FOXK1: variants seen among roughly 807,000 people sequenced by gnomAD.
FOXK1 encodes forkhead box K1.
FOXK1 carries 19 observed loss-of-function variants against 51.9 expected under a neutral mutation model. The observed-to-expected ratio is 0.37, with a 90% CI of 0.26 to 0.54. FOXK1 has a LOEUF of 0.54. FOXK1 is among the 20% of genes least tolerant of loss of function. FOXK1 has a pLI of 0.87. For synonymous variants in FOXK1, 537 were observed against 482.6 expected, an observed-to-expected ratio of 1.11 and a Z score of -1.48; for missense variants, 870 against 1,032.7, an observed-to-expected ratio of 0.84 and a Z score of 2.16.
At position 4,768,896 on chromosome 7, in the gene FOXK1, G is replaced by T. The variant is rs1432260638; in HGVS notation, c.*6432G>T. The T allele has an allele frequency of 6.6e-6, 1 of 152,278 alleles. No homozygotes were observed. The highest frequency in any genetic ancestry group is 1.5e-5 in the Non-Finnish European group (1 of 68,074). 9.4% of individuals were successfully genotyped at this position (152,278 alleles called of 1,614,324 possible). A position where few individuals can be genotyped will look rare whatever the true frequency, so the allele number is the denominator to read the frequency against. ...TTGGAGAATGAAACCCTGAGGGTCAGTGAGTGGAGGCCTTCCCTCGGGGCC... is the reference window on the plus strand; with the variant it reads ...TTGGAGAATGAAACCCTGAGGGTCATTGAGTGGAGGCCTTCCCTCGGGGCC... On this transcript the variant is annotated 3_prime_UTR_variant, in exon 9 of 9. Transcript: ENST00000328914.
At chr7:4,687,303 G>GT (rs1345445600) in intron 1 of FOXK1, among the ~76,000 whole-genome samples, 4 of 148,946 alleles carry the variant, frequency 2.7e-5, no homozygotes, top group Non-Finnish European at 5.9e-5. Context: ...TTTCGTTTTT[G>GT]TTTTTTTGCA....
At chr7:4,690,569 C>A (rs868574962) in intron 1 of FOXK1, among the ~76,000 whole-genome samples, 32 of 152,232 alleles carry the variant, frequency 2.1e-4, no homozygotes, top group African/African-American at 7.2e-4. Context: ...AGAAAACTTA[C>A]ATAGAATTTT....
rs189680133 is a variant in FOXK1, at chr7:4,765,113, C to T, written c.*2649C>T. 663 of 153,906 alleles carry T rather than the reference C, an allele frequency of 4.3e-3. 9 individuals are homozygous for T. Among genetic ancestry groups the T allele is most frequent in the African/African-American group, 0.015 (615 of 41,602 alleles). 9.5% of individuals were successfully genotyped at this position (153,906 alleles called of 1,614,324 possible). ...GTGGTCCTAGGGGTCGGCTCAGACT[C>T]GGAGCAGGGCAGGGAGAGGAGGGCA... On this transcript the variant is annotated 3_prime_UTR_variant, in exon 9 of 9. Coordinates refer to ENST00000328914, the MANE Select transcript of FOXK1 (RefSeq NM_001037165.2).
intron 1 of FOXK1, among the ~76,000 whole-genome samples, chr7:4,688,721 T>G (rs1779852121): frequency 1.3e-5 from 2 of 152,114 alleles, no homozygotes; most frequent in Non-Finnish European, 2.9e-5. Flanking sequence ...CCTGTGTAGT[T>G]CCCCACACCT....
intron 1 of FOXK1, among the ~76,000 whole-genome samples, chr7:4,727,532 C>A (rs1388313837): frequency 6.6e-6 from 1 of 152,120 alleles, no homozygotes; most frequent in Non-Finnish European, 1.5e-5. Flanking sequence ...CCAGGCTGGT[C>A]TTGAACTCCT....
intron 2 of FOXK1, among the ~76,000 whole-genome samples, chr7:4,741,297 GT>G (rs1262038679): frequency 2.0e-5 from 3 of 150,340 alleles, no homozygotes; most frequent in Non-Finnish European, 4.4e-5. Flanking sequence ...GTTGTTTTTT[GT>G]TTTTTTTTAA....
At chr7:4,697,741 C>CTGTGTGTGTG (rs57978112) in intron 1 of FOXK1, among the ~76,000 whole-genome samples, 10 of 135,690 alleles carry the variant, frequency 7.4e-5, no homozygotes, top group African/African-American at 2.5e-4. Context: ...GAAAGATAGG[C>CTGTGTGTGTG]TGTGTGTGTG....
At chr7:4,688,238 A>G (rs776253452) in intron 1 of FOXK1, among the ~76,000 whole-genome samples, 6 of 147,136 alleles carry the variant, frequency 4.1e-5, no homozygotes, top group Non-Finnish European at 8.9e-5. Context: ...AAATATTTCA[A>G]CCAAAATTTC....
intron 1 of FOXK1, among the ~76,000 whole-genome samples, chr7:4,739,278 G>T (rs530944295): frequency 4.6e-5 from 7 of 152,280 alleles, no homozygotes; most frequent in South Asian, 2.1e-4. Flanking sequence ...CATTATCACC[G>T]GTGGCTTATG....
At chr7:4,754,241 G>A (rs566561644) in intron 2 of FOXK1, among the ~76,000 whole-genome samples, 17 of 152,322 alleles carry the variant, frequency 1.1e-4, no homozygotes, top group African/African-American at 3.8e-4. Flanking sequence ...CTCAGCCCCC[G>A]AGCAGAAGTC....
rs540878681 is a variant in FOXK1 at position 4,743,817 on chromosome 7, G to C, written c.746+2794G>C. Among the ~76,000 whole-genome samples, 1 of 152,102 alleles carries C rather than the reference G, an allele frequency of 6.6e-6. No individual in the cohort carries two copies. Among genetic ancestry groups the C allele is most frequent in the Non-Finnish European group, 1.5e-5 (1 of 68,024 alleles). ...GCTCCTGAGGAAGGGCTAGGCCAGC[G>C]CCCCCGCCTTAGCCTGGGAGTGGGT... is the stretch of plus-strand genomic sequence containing the variant. On this transcript the variant is annotated intron_variant, in intron 2 of 8. Coordinates refer to ENST00000328914, the MANE Select transcript of FOXK1 (RefSeq NM_001037165.2). This position sits in a 1 kb window ranked among gnomAD's most constrained non-coding sequence, Gnocchi z 5.3.
chr7:4,759,491 C>A lies in FOXK1; in HGVS notation c.1592C>A (p.Ser531Tyr). 6.3e-7 allele frequency: 1 copy of A among 1,582,222 alleles called. No homozygotes were observed. Among genetic ancestry groups the A allele is most frequent in the African/African-American group, 1.3e-5 (1 of 74,606 alleles). ...ACCATGGTCAGGGTGGTCACCACAT[C>A]TGCCAACTCGGCCAACGGATACATC... is the stretch of plus-strand genomic sequence containing the variant. ...TVTMVRVVTTSANSANGYILT... is the reference protein window; with the variant it reads ...TVTMVRVVTTYANSANGYILT... The change falls in exon 7 of 9, where the codon TCT becomes TAT. Residue 531 changes from serine (S) to tyrosine (Y), a missense_variant. Physicochemically the swap from Ser to Tyr is moderately radical, Grantham distance 144 (BLOSUM62 -2). Transcript: ENST00000328914.
rs372065750 is a variant in FOXK1 at position 4,719,442 on chromosome 7, T to C, written c.561-21396T>C. Among the ~76,000 whole-genome samples the C allele has an allele frequency of 1.1e-4, 16 of 149,722 alleles. No individual in the cohort carries two copies. In the East Asian group the frequency reaches 3.0e-3, roughly 28 times the overall value. On this transcript the variant is annotated intron_variant, in intron 1 of 8. Coordinates refer to ENST00000328914, the MANE Select transcript of FOXK1 (RefSeq NM_001037165.2). ...GGTGTGAGCCACGGTGCCTAGGGAG[T>C]AGGTAGCTGTCTTAGCTTTGTGTTT...
Position 4,761,006 on chromosome 7 carries a change from G to T in FOXK1, c.1697-58G>T. ...TTGTCCGACCTGCTGCCCAGGCGTC[G>T]AGGAAATCGATTGTCTCGTTGGCCG... On this transcript the variant is annotated intron_variant, in intron 7 of 8. Transcript: ENST00000328914. The surrounding 1 kb of genome is among the most constrained non-coding windows in gnomAD (Gnocchi z 6.2). 1 of 1,536,620 alleles carries T rather than the reference G, an allele frequency of 6.5e-7. No individual in the cohort carries two copies. Among genetic ancestry groups the T allele is most frequent in the Non-Finnish European group, 9.0e-7 (1 of 1,114,780 alleles).
Position 4,734,509 on chromosome 7 carries a change from A to G in FOXK1, c.561-6329A>G, listed in dbSNP as rs1460113329. On this transcript the variant is annotated intron_variant, in intron 1 of 8. Coordinates refer to ENST00000328914, the MANE Select transcript of FOXK1 (RefSeq NM_001037165.2). The surrounding 1 kb of genome is among the most constrained non-coding windows in gnomAD (Gnocchi z 5.2). ...TTTGCCTCAGTCCCTGTCTTCCTTG[A>G]TGGGGGCATTCCCCAAGTGTCTGTT... is the stretch of plus-strand genomic sequence containing the variant. Among the ~76,000 whole-genome samples, 1 of 152,092 alleles carries G rather than the reference A, an allele frequency of 6.6e-6. No homozygotes were observed. Among genetic ancestry groups the G allele is most frequent in the Non-Finnish European group, 1.5e-5 (1 of 68,014 alleles).
chr7:4,719,488 G>A (rs186359732), intron 1 of FOXK1, among the ~76,000 whole-genome samples: 2 of 151,366 alleles, frequency 1.3e-5, no homozygotes, highest in Admixed American at 6.6e-5. Flanking sequence ...TAACTACACT[G>A]CACATATTTT....
intron 2 of FOXK1, among the ~76,000 whole-genome samples, chr7:4,752,155 T>G (rs968895885): frequency 5.9e-5 from 9 of 152,282 alleles, no homozygotes; most frequent in African/African-American, 1.9e-4. Context: ...ATTTATGTAT[T>G]TATTTATTTA....
intron 3 of FOXK1, 156 bp downstream of exon 3, chr7:4,754,771 C>T (rs933726738): frequency 2.2e-5 from 22 of 980,062 alleles, no homozygotes; most frequent in Admixed American, 1.1e-4. Context: ...GTAGAGCCGT[C>T]GGCCCTTTCT....
At chr7:4,692,001 AC>A (rs1249446810) in intron 1 of FOXK1, among the ~76,000 whole-genome samples, 2 of 152,152 alleles carry the variant, frequency 1.3e-5, no homozygotes. Context: ...ATTACTGGGG[AC>A]CCCAAAGAGC....
Sources: allele counts gnomAD v4.1 joint callset (sites outside exome capture counted in the v4.1 genomes callset), GRCh38; gene constraint gnomAD v4.1.1; non-coding constraint Gnocchi (gnomAD v3.1); transcripts MANE v1.5; gene names NCBI Gene and HGNC (gene_info 2026-07-23, HGNC 2026-07-21).